IPMK: variants seen among roughly 807,000 people sequenced by gnomAD.
IPMK encodes inositol 1,3,4,6-tetrakisphosphate 5-kinase.
A neutral mutation model predicts 45.8 loss-of-function variants in IPMK; 17 were observed. The observed-to-expected ratio is 0.37, with a 90% CI of 0.25 to 0.56. The LOEUF (loss-of-function observed/expected upper bound fraction) is 0.56. Among genes scored for constraint, IPMK ranks in the 20% least tolerant of loss-of-function variants. The probability of loss-of-function intolerance (pLI) is 0.79; values close to 1 mark genes in which losing one functional copy is unlikely to be tolerated. For missense variants in IPMK, 399 were observed against 498.0 expected, an observed-to-expected ratio of 0.80 and a Z score of 1.89; for synonymous variants, 180 against 184.3, an observed-to-expected ratio of 0.98 and a Z score of 0.19.
At chr10:58,261,097 G>C (rs894816820) in intron 1 of IPMK, among the ~76,000 whole-genome samples, 1 of 63,506 alleles carries the variant, frequency 1.6e-5, no homozygotes, top group African/African-American at 6.6e-5. Flanking sequence ...GAATATGCAC[G>C]GCTGAGCTAT....
chr10:58,231,649 G>C (rs574308482), intron 2 of IPMK, among the ~76,000 whole-genome samples: 8 of 152,224 alleles, frequency 5.3e-5, no homozygotes, highest in African/African-American at 1.9e-4. Context: ...TCACCACCAG[G>C]CCTGCCTTAC....
intron 3 of IPMK, among the ~76,000 whole-genome samples, chr10:58,224,772 A>G (rs1838388147): frequency 6.6e-6 from 1 of 152,192 alleles, no homozygotes. Context: ...ACAAAAACCA[A>G]CAGGAAATAA....
chr10:58,199,051 T>G (rs1206255651), intron 5 of IPMK, among the ~76,000 whole-genome samples, 189 bp downstream of exon 5: 1 of 152,114 alleles, frequency 6.6e-6, no homozygotes, highest in Non-Finnish European at 1.5e-5. Context: ...CCATTCATAG[T>G]CCCATGCTCT....
chr10:58,255,121 C>T (rs1424624191), intron 1 of IPMK, among the ~76,000 whole-genome samples: 1 of 152,224 alleles, frequency 6.6e-6, no homozygotes, highest in Non-Finnish European at 1.5e-5. Flanking sequence ...TGTCCCCCTA[C>T]AGCTCTATGG....
intron 1 of IPMK, among the ~76,000 whole-genome samples, chr10:58,258,960 A>G (rs919358889): frequency 1.3e-5 from 2 of 152,216 alleles, no homozygotes; most frequent in Admixed American, 6.5e-5. Context: ...AAATGAATAA[A>G]TATACTGATG....
At chr10:58,199,569 T>C (rs2132142583) in intron 4 of IPMK, among the ~76,000 whole-genome samples, 1 of 152,316 alleles carries the variant, frequency 6.6e-6, no homozygotes, top group East Asian at 1.9e-4. Context: ...GATAAAACTA[T>C]CTACCTCAAC....
At chr10:58,237,082 G>GA (rs1838624767) in intron 2 of IPMK, among the ~76,000 whole-genome samples, 1 of 151,988 alleles carries the variant, frequency 6.6e-6, no homozygotes. Flanking sequence ...TCTCAAAAAA[G>GA]AAAAAATCAA....
At chr10:58,240,187 A>C (rs1838676100) in intron 1 of IPMK, among the ~76,000 whole-genome samples, 1 of 152,162 alleles carries the variant, frequency 6.6e-6, no homozygotes, top group African/African-American at 2.4e-5. Flanking sequence ...TAAACAGATT[A>C]GGTATTTCAG....
chr10:58,216,021 T>C, intron 4 of IPMK, 124 bp downstream of exon 4: 1 of 692,410 alleles, frequency 1.4e-6, no homozygotes, highest in Non-Finnish European at 2.2e-6. Flanking sequence ...ATTGGGGAGT[T>C]ACAGACAACT....
At chr10:58,246,227 C>A (rs565437118) in intron 1 of IPMK, among the ~76,000 whole-genome samples, 1 of 149,208 alleles carries the variant, frequency 6.7e-6, no homozygotes, top group African/African-American at 2.5e-5. Flanking sequence ...GGCCATACTG[C>A]CCAAGGTAAT....
intron 4 of IPMK, among the ~76,000 whole-genome samples, chr10:58,206,994 T>C (rs1283093821): frequency 2.6e-5 from 4 of 151,982 alleles, no homozygotes; most frequent in Non-Finnish European, 5.9e-5. Flanking sequence ...TATATATATA[T>C]ATATCACATT....
intron 3 of IPMK, among the ~76,000 whole-genome samples, chr10:58,217,156 CTTTTTTT>C (rs58314639): frequency 9.7e-6 from 1 of 102,932 alleles, no homozygotes; most frequent in African/African-American, 3.9e-5. Flanking sequence ...GCCCATCTTG[CTTTTTTT>C]TTTTTTTTTT....
At chr10:58,261,381 C>G (rs1839064076) in intron 1 of IPMK, among the ~76,000 whole-genome samples, 1 of 151,660 alleles carries the variant, frequency 6.6e-6, no homozygotes, top group African/African-American at 2.4e-5. Context: ...TTTTATTATA[C>G]TTTTCTGTAA....
chr10:58,213,580 G>A (rs537862628), intron 4 of IPMK, among the ~76,000 whole-genome samples: 7 of 152,212 alleles, frequency 4.6e-5, no homozygotes, highest in South Asian at 2.1e-4. Context: ...CCAGCTACGC[G>A]GTAGGCTGAG....
At chr10:58,211,919 A>AAAAAAATAAAAAT (rs1554823053) in intron 4 of IPMK, among the ~76,000 whole-genome samples, 6 of 148,186 alleles carry the variant, frequency 4.0e-5, no homozygotes, top group African/African-American at 1.6e-4. Flanking sequence ...AAAAAAAAAA[A>AAAAAAATAAAAAT]AAAAAATTTG....
At chr10:58,209,664 T>A (rs987816424) in intron 4 of IPMK, among the ~76,000 whole-genome samples, 8 of 152,144 alleles carry the variant, frequency 5.3e-5, no homozygotes, top group African/African-American at 1.9e-4. Flanking sequence ...GGGAGTGAGG[T>A]AGACTCTGTG....
chr10:58,228,626 T>C (rs939489036), intron 2 of IPMK, among the ~76,000 whole-genome samples: 38 of 152,264 alleles, frequency 2.5e-4, no homozygotes, highest in Admixed American at 1.4e-3. Context: ...CTCTGCCTCC[T>C]GGGTTCACGC....
rs529711621 is a variant in IPMK at position 58,256,333 on chromosome 10, T to C, written c.190+11089A>G. 2.4e-4 allele frequency among the ~76,000 whole-genome samples: 36 copies of C among 152,248 alleles called. No homozygotes were observed. The South Asian group carries it at 7.3e-3, about 31-fold the overall frequency. The stretch of plus-strand genomic sequence containing the variant: ...CTCTGGAAGTGTCTGCCTTATGCGG[T>C]TGAAGATAAGGGATGAAACACACTC... On this transcript the variant is annotated intron_variant, in intron 1 of 5. Transcript: ENST00000373935.
intron 4 of IPMK, among the ~76,000 whole-genome samples, chr10:58,200,463 T>C (rs999630339): frequency 6.6e-6 from 1 of 151,920 alleles, no homozygotes; most frequent in Non-Finnish European, 1.5e-5. Flanking sequence ...AGTTCACATA[T>C]TTAAAAATAA....
Sources: gnomAD v4.1 joint callset for allele counts (sites outside exome capture counted in the v4.1 genomes callset) on GRCh38, gnomAD v4.1.1 for gene constraint, MANE v1.5 for transcripts, NCBI Gene and HGNC (gene_info 2026-07-23, HGNC 2026-07-21) for gene names.